CDH22: variants seen among roughly 807,000 people sequenced by gnomAD.
CDH22 encodes the protein cadherin-22.
In CDH22, 30 loss-of-function variants were observed where a neutral mutation model predicts 58.4. The observed-to-expected ratio is 0.51, with a 90% CI of 0.38 to 0.70. CDH22 has a LOEUF of 0.70. Among genes scored for constraint, CDH22 ranks in the 30% least tolerant of loss-of-function variants. The pLI is 0.00. For synonymous variants in CDH22, 513 were observed against 558.2 expected (o/e 0.92, Z 1.14); for missense variants, 1,014 against 1,233.9 (o/e 0.82, Z 2.67).
rs919515129 is a variant in CDH22 at position 46,251,368 on chromosome 20, C to G, written c.-74G>C. 1.5e-6 allele frequency: 2 copies of G among 1,378,840 alleles called. No individual in the cohort carries two copies. Among genetic ancestry groups the G allele is most frequent in the East Asian group, 6.3e-5 (2 of 31,974 alleles). The allele number at this position is 1,378,840 out of a possible 1,614,324, so 85.4% of individuals were successfully genotyped here. On this transcript the variant is annotated 5_prime_UTR_variant, in exon 2 of 12. Coordinates refer to ENST00000537909, the MANE Select transcript of CDH22 (RefSeq NM_021248.3). The surrounding 1 kb of genome is among the most constrained non-coding windows in gnomAD (Gnocchi z 6.7). The stretch of plus-strand genomic sequence containing the variant: ...AGGGCGCCGCTGCTTGGTCGCACAA[C>G]GATGCGGCGCCGTGTCACATGGTGG...
chr20:46,176,181 G>T (rs950574122), intron 11 of CDH22, among the ~76,000 whole-genome samples: 1 of 152,114 alleles, frequency 6.6e-6, no homozygotes, highest in African/African-American at 2.4e-5. Flanking sequence ...CTGTGTCCAT[G>T]CTCCCTCTCT....
At chr20:46,269,653 G>A (rs139978756) in intron 1 of CDH22, among the ~76,000 whole-genome samples, 157 of 152,338 alleles carry the variant, frequency 1.0e-3, no homozygotes, top group Non-Finnish European at 1.5e-3. Context: ...TCCATTCCAC[G>A]TGGCCCGTTG....
At chr20:46,306,020 G>A (rs996552589) in intron 1 of CDH22, among the ~76,000 whole-genome samples, 4 of 152,238 alleles carry the variant, frequency 2.6e-5, no homozygotes, top group South Asian at 2.1e-4. Context: ...TGACTCACCC[G>A]GAGGTCACAA....
chr20:46,189,689 A>T (rs147760729), intron 8 of CDH22, among the ~76,000 whole-genome samples: 88 of 152,294 alleles, frequency 5.8e-4, no homozygotes, highest in African/African-American at 2.0e-3. Context: ...AGAAAGCCCT[A>T]ATGTCCTTGG....
Position 46,251,184 on chromosome 20 carries a change from C to G in CDH22, c.111G>C (p.Trp37Cys), listed in dbSNP as rs1208960091. The change falls in exon 2 of 12, where the codon TGG becomes TGC. Residue 37 changes from tryptophan to cysteine, a missense_variant. Coordinates refer to ENST00000537909, the MANE Select transcript of CDH22 (RefSeq NM_021248.3). The surrounding 1 kb of genome is among the most constrained non-coding windows in gnomAD (Gnocchi z 6.7). ...PPPPTLLGRL[W>C]AAGTPSPSAP... is the part of the protein sequence containing the mutation. Reference sequence around the variant, plus strand: ...CCGACGGCGAGGGTGTGCCCGCTGCCCACAGGCGCCCCAGCAGCGTCGGCG... The same window carrying G: ...CCGACGGCGAGGGTGTGCCCGCTGCGCACAGGCGCCCCAGCAGCGTCGGCG... 6.5e-7 allele frequency: 1 copy of G among 1,531,336 alleles called. No individual in the cohort carries two copies. The highest frequency in any genetic ancestry group is 8.8e-7 in the Non-Finnish European group (1 of 1,141,544). 94.9% of individuals were successfully genotyped at this position (1,531,336 alleles called of 1,614,324 possible).
rs543212673 is a variant in CDH22, at chr20:46,202,302, CTG to C, written c.1287-2745_1287-2744del. Among the ~76,000 whole-genome samples the C allele has an allele frequency of 3.0e-3, 460 of 152,014 alleles. 3 individuals carry two copies. Among genetic ancestry groups the C allele is most frequent in the African/African-American group, 0.011 (443 of 41,422 alleles). ...CCCTGCTCAAGGGTGTACAGCGACT[CTG>C]TCACAGAACTGAAATTTGAAACCAA... On this transcript the variant is annotated intron_variant, in intron 7 of 11. Coordinates refer to ENST00000537909, the MANE Select transcript of CDH22 (RefSeq NM_021248.3).
At chr20:46,228,814 G>A (rs1336903111) in intron 3 of CDH22, among the ~76,000 whole-genome samples, 1 of 152,224 alleles carries the variant, frequency 6.6e-6, no homozygotes, top group Non-Finnish European at 1.5e-5. Flanking sequence ...ATGCTGGGAG[G>A]TGAGGCCAGT....
chr20:46,238,872 C>G (rs2086271676), intron 3 of CDH22, among the ~76,000 whole-genome samples: 1 of 152,232 alleles, frequency 6.6e-6, no homozygotes, highest in African/African-American at 2.4e-5. Flanking sequence ...GGGTCCTGAT[C>G]ATGTCATTTT....
chr20:46,191,570 C>T (rs1331977110), intron 8 of CDH22, among the ~76,000 whole-genome samples: 2 of 152,138 alleles, frequency 1.3e-5, no homozygotes, highest in Non-Finnish European at 2.9e-5. Context: ...GTCTGGGCTG[C>T]CCCATTTCGT....
rs2086033821 is a variant in CDH22, at chr20:46,210,442, G to A, written c.1151C>T (p.Ala384Val). The change falls in exon 7 of 12, where the codon GCC (alanine) becomes GTC (valine). Residue 384 changes from alanine to valine, a missense_variant. Ala to Val is a moderately conservative substitution (Grantham distance 64). Around this residue, in one of 2 missense-constraint regions of CDH22, gnomAD observed 806 missense variants for 1,038.7 expected, o/e 0.78. Transcript: ENST00000537909. This position sits in a 1 kb window ranked among gnomAD's most constrained non-coding sequence, Gnocchi z 4.5. ...TFRDQAIVRV[A>V]VTDVDEPPEF... is the part of the protein sequence containing the mutation. ...GGGGGGCTCGTCCACGTCGGTCACG[G>A]CCACGCGCACGATCGCCTGGTCGCG... is the stretch of plus-strand genomic sequence containing the variant. 2.1e-6 allele frequency: 3 copies of A among 1,447,192 alleles called. No homozygotes were observed. Among genetic ancestry groups the A allele is most frequent in the Non-Finnish European group, 2.7e-6 (3 of 1,098,968 alleles). 89.6% of individuals were successfully genotyped at this position (1,447,192 alleles called of 1,614,324 possible).
At chr20:46,246,676 G>A (rs570471804) in intron 2 of CDH22, among the ~76,000 whole-genome samples, 5 of 152,250 alleles carry the variant, frequency 3.3e-5, no homozygotes, top group African/African-American at 1.2e-4. Context: ...GGTTCCTGTG[G>A]GTGCTGACAG....
At chr20:46,276,993 T>C (rs1015126557) in intron 1 of CDH22, among the ~76,000 whole-genome samples, 1 of 151,616 alleles carries the variant, frequency 6.6e-6, no homozygotes, top group Non-Finnish European at 1.5e-5. Context: ...GTGTGAAGAG[T>C]AGGAAAAGGC....
At chr20:46,181,961 C>T (rs1171484998) in intron 10 of CDH22, among the ~76,000 whole-genome samples, 3 of 151,612 alleles carry the variant, frequency 2.0e-5, no homozygotes, top group Admixed American at 6.6e-5. Flanking sequence ...GGATTACAGG[C>T]GTCTGCCACC....
chr20:46,306,908 C>A (rs898259902), intron 1 of CDH22, among the ~76,000 whole-genome samples: 3 of 151,964 alleles, frequency 2.0e-5, no homozygotes, highest in Admixed American at 2.0e-4. Flanking sequence ...TAGGGAGGAG[C>A]CTTTGGGCCC....
At chr20:46,291,452 G>A (rs79557786) in intron 1 of CDH22, among the ~76,000 whole-genome samples, 2,898 of 152,294 alleles carry the variant, frequency 0.019, 36 homozygotes, top group Middle Eastern at 0.041. Flanking sequence ...TTTACAGATT[G>A]GAAATGGAGG....
chr20:46,213,410 T>G (rs1408418915), intron 5 of CDH22, among the ~76,000 whole-genome samples: 3 of 152,232 alleles, frequency 2.0e-5, no homozygotes, highest in Non-Finnish European at 4.4e-5. Flanking sequence ...TTTGGGTTTA[T>G]TCACTGGTTG....
intron 10 of CDH22, among the ~76,000 whole-genome samples, chr20:46,183,760 G>A (rs1387693861): frequency 8.1e-3 from 1 of 124 alleles, no homozygotes; most frequent in African/African-American, 0.033. Context: ...GGCTTCAGAG[G>A]CCACTAAGGC....
chr20:46,174,863 C>CCCG lies in CDH22; in HGVS notation c.2129_2130insCGG (p.Gly713dup). 1 of 1,328,958 alleles carries CCCG rather than the reference C, an allele frequency of 7.5e-7. No individual in the cohort carries two copies. The highest frequency in any genetic ancestry group is 9.6e-7 in the Non-Finnish European group (1 of 1,039,204). 82.3% of individuals were successfully genotyped at this position (1,328,958 alleles called of 1,614,324 possible). Reference sequence around the variant, plus strand: ...CCGCGCCCCCGCCCGAGCCCCCGCCCGCTCCCCCGCCCGCGCTGCCGCCCC... The same window carrying CCCG: ...CCGCGCCCCCGCCCGAGCCCCCGCCCCCGGCTCCCCCGCCCGCGCTGCCGCCCC... On this transcript the variant is annotated inframe_insertion, in exon 12 of 12. Transcript: ENST00000537909. This position sits in a 1 kb window ranked among gnomAD's most constrained non-coding sequence, Gnocchi z 4.4.
intron 3 of CDH22, 82 bp downstream of exon 3, chr20:46,240,881 G>A: frequency 1.6e-6 from 2 of 1,275,860 alleles, no homozygotes; most frequent in Non-Finnish European, 2.2e-6. Flanking sequence ...CCTCCCCAGA[G>A]GATCAGCTAC....
Sources: gnomAD v4.1 joint callset for allele counts (sites outside exome capture counted in the v4.1 genomes callset) on GRCh38, gnomAD v4.1.1 for gene constraint, gnomAD v4.1.1 regional missense constraint, Gnocchi (gnomAD v3.1) non-coding constraint, MANE v1.5 for transcripts, NCBI Gene and HGNC (gene_info 2026-07-23, HGNC 2026-07-21) for gene names.